Variants in FNDC1 observed in about 807,000 individuals in gnomAD.
The protein encoded by FNDC1 is fibronectin type III domain containing 1, also known as fibronectin type III domain-containing protein 1.
FNDC1 carries 96 observed loss-of-function variants against 168.0 expected under a neutral mutation model. That is an observed-to-expected ratio of 0.57 (90% CI 0.48 to 0.68). FNDC1 has a LOEUF of 0.68. FNDC1 is among the 30% of genes least tolerant of loss of function. The pLI is 0.00. For missense variants in FNDC1, 2,587 were observed against 2,482.1 expected (o/e 1.04, Z -0.90); for synonymous variants, 1,099 against 1,025.9 (o/e 1.07, Z -1.36).
At chr6:159,249,939 A>T (rs1351677857) in intron 16 of FNDC1, among the ~76,000 whole-genome samples, 1 of 152,202 alleles carries the variant, frequency 6.6e-6, no homozygotes, top group Non-Finnish European at 1.5e-5. Context: ...GAGTGTCTAA[A>T]CCACACGTAC....
chr6:159,226,970 A>G lies in FNDC1; in HGVS notation c.1180+390A>G, dbSNP rs144071999. ...AGCCATCAGTATCTTTCATGGGACC[A>G]TAAATACATTTAATGGGTTTGAAAA... On this transcript the variant is annotated intron_variant, in intron 9 of 22. Coordinates refer to ENST00000297267, the MANE Select transcript of FNDC1 (RefSeq NM_032532.3). Among the ~76,000 whole-genome samples, 546 of 152,348 alleles carry G rather than the reference A, an allele frequency of 3.6e-3. 3 individuals are homozygous for G. The highest frequency in any genetic ancestry group is 0.013 in the African/African-American group (522 of 41,584).
At chr6:159,228,280 A>G (rs1322055161) in intron 9 of FNDC1, among the ~76,000 whole-genome samples, 1 of 152,222 alleles carries the variant, frequency 6.6e-6, no homozygotes, top group African/African-American at 2.4e-5. Context: ...TCGTTTTTGT[A>G]AGGGTGTAGT....
chr6:159,218,832 G>A (rs1782759322), intron 5 of FNDC1, among the ~76,000 whole-genome samples: 1 of 152,110 alleles, frequency 6.6e-6, no homozygotes, highest in African/African-American at 2.4e-5. Flanking sequence ...GAACTGTCAG[G>A]GGAGAGGAGG....
intron 5 of FNDC1, among the ~76,000 whole-genome samples, chr6:159,216,489 C>G (rs146983206): frequency 6.6e-6 from 1 of 152,310 alleles, no homozygotes; most frequent in East Asian, 1.9e-4. Context: ...CGGACATAGG[C>G]TTGGCTCTCT....
At chr6:159,185,465 C>G (rs755209292) in intron 1 of FNDC1, among the ~76,000 whole-genome samples, 4 of 152,166 alleles carry the variant, frequency 2.6e-5, no homozygotes, top group Non-Finnish European at 4.4e-5. Flanking sequence ...AGTGGCTAAA[C>G]AAGTAAGAGA....
At chr6:159,237,803 T>C (rs1325807391) in intron 12 of FNDC1, among the ~76,000 whole-genome samples, 2 of 152,252 alleles carry the variant, frequency 1.3e-5, no homozygotes, top group East Asian at 3.8e-4. Flanking sequence ...TAAGCTTATA[T>C]ATGCAAATGG....
At chr6:159,208,160 C>CA (rs1328619236) in intron 4 of FNDC1, among the ~76,000 whole-genome samples, 27 of 152,214 alleles carry the variant, frequency 1.8e-4, no homozygotes, top group African/African-American at 6.5e-4. Flanking sequence ...GATCCTTCCA[C>CA]ACTGTGTTGG....
At chr6:159,249,803 G>A (rs188339337) in intron 16 of FNDC1, among the ~76,000 whole-genome samples, 2 of 152,300 alleles carry the variant, frequency 1.3e-5, no homozygotes, top group East Asian at 3.9e-4. Flanking sequence ...TAATGAGACA[G>A]CTGGATTAAT....
chr6:159,236,010 A>G (rs968725589), intron 11 of FNDC1, among the ~76,000 whole-genome samples: 1 of 152,246 alleles, frequency 6.6e-6, no homozygotes, highest in African/African-American at 2.4e-5. Flanking sequence ...ACTTTACTGT[A>G]TTCTTAATTG....
At chr6:159,203,840 C>T (rs141916510) in intron 4 of FNDC1, among the ~76,000 whole-genome samples, 60 of 152,284 alleles carry the variant, frequency 3.9e-4, no homozygotes, top group African/African-American at 1.4e-3. Context: ...CTCTGCTACC[C>T]GCCAGCCTAG....
intron 15 of FNDC1, among the ~76,000 whole-genome samples, chr6:159,247,356 A>T (rs971946171): frequency 2.6e-5 from 4 of 151,828 alleles, no homozygotes; most frequent in African/African-American, 9.7e-5. Context: ...TCTCTTTCTT[A>T]TTCCTTTCTT....
At chr6:159,172,883 A>G (rs1412914413) in intron 1 of FNDC1, among the ~76,000 whole-genome samples, 3 of 152,228 alleles carry the variant, frequency 2.0e-5, no homozygotes, top group Non-Finnish European at 4.4e-5. Context: ...ATTGCAATAG[A>G]TTGAATGCAT....
At chr6:159,257,554 A>C (rs1777401335) in intron 18 of FNDC1, among the ~76,000 whole-genome samples, 1 of 152,068 alleles carries the variant, frequency 6.6e-6, no homozygotes, top group African/African-American at 2.4e-5. Flanking sequence ...AAGGCCTCTC[A>C]TTTTCTACAC....
intron 1 of FNDC1, among the ~76,000 whole-genome samples, chr6:159,182,378 G>A (rs1027998480): frequency 1.3e-5 from 2 of 152,230 alleles, no homozygotes; most frequent in African/African-American, 4.8e-5. Context: ...GAGAGGGACA[G>A]ACTATGTGTC....
Position 159,232,187 on chromosome 6 carries a change from A to G in FNDC1, c.1675A>G (p.Thr559Ala). ...GGACTCGCCCATGTCACCCTCAGAC[A>G]CCCAAGACCAGAAACGGACCCTGAG... Reference protein sequence around the residue: ...REDSPMSPSDTQDQKRTLRPP... With the variant: ...REDSPMSPSDAQDQKRTLRPP... Residue 559 changes from threonine to alanine, a missense_variant, in exon 11 of 23, where the codon ACC becomes GCC. Transcript: ENST00000297267. This position sits in a 1 kb window ranked among gnomAD's most constrained non-coding sequence, Gnocchi z 4.9. 6.2e-7 allele frequency: 1 copy of G among 1,613,694 alleles called. No individual in the cohort carries two copies. The highest frequency in any genetic ancestry group is 8.5e-7 in the Non-Finnish European group (1 of 1,179,822).
At chr6:159,180,811 C>A (rs1781862358) in intron 1 of FNDC1, among the ~76,000 whole-genome samples, 1 of 152,134 alleles carries the variant, frequency 6.6e-6, no homozygotes. Flanking sequence ...AGGACATGAT[C>A]TCATTCCTTC....
chr6:159,226,912 T>C (rs1196866723), intron 9 of FNDC1, among the ~76,000 whole-genome samples: 1 of 152,190 alleles, frequency 6.6e-6, no homozygotes, highest in African/African-American at 2.4e-5. Context: ...GCTAGGAAGA[T>C]CACGAAAGCA....
At chr6:159,240,523 C>G (rs989722719) in intron 14 of FNDC1, among the ~76,000 whole-genome samples, 16 of 152,098 alleles carry the variant, frequency 1.1e-4, no homozygotes, top group Admixed American at 1.0e-3. Flanking sequence ...TTTGATCAGC[C>G]CTCCTTTGGA....
rs369450487 is a variant in FNDC1, at chr6:159,269,257, CATCT to C, written c.5569+1363_5569+1366del. 6.1e-3 allele frequency among the ~76,000 whole-genome samples: 259 copies of C among 42,674 alleles called. 24 individuals carry two copies. The highest frequency in any genetic ancestry group is 0.017 in the Middle Eastern group (1 of 60). The allele number at this position is 42,674 out of a possible 152,430, so 28.0% of individuals were successfully genotyped here. The stretch of plus-strand genomic sequence containing the variant: ...TCTATCTATCTATCTATCCATCTAT[CATCT>C]ATCTATCTATCTATCTATCTATCTA... On this transcript the variant is annotated intron_variant, in intron 22 of 22. Coordinates refer to ENST00000297267, the MANE Select transcript of FNDC1 (RefSeq NM_032532.3).
Sources: allele counts gnomAD v4.1 joint callset (sites outside exome capture counted in the v4.1 genomes callset), GRCh38; gene constraint gnomAD v4.1.1; non-coding constraint Gnocchi (gnomAD v3.1); transcripts MANE v1.5; gene names NCBI Gene and HGNC (gene_info 2026-07-23, HGNC 2026-07-21).